The following ADD1 variants were observed in gnomAD, a reference collection of about 807,000 sequenced individuals.
ADD1 encodes the protein adducin 1, also known as alpha-adducin.
In ADD1, 24 loss-of-function variants were observed where a neutral mutation model predicts 80.5. The ratio of observed to expected loss-of-function variants is 0.30; its 90% CI spans 0.22 to 0.42. The LOEUF is 0.42. Ranked by LOEUF, ADD1 falls within the 10% of genes least tolerant of loss-of-function variation. The pLI is 1.00. For missense variants in ADD1, 948 were observed against 1,019.0 expected, an observed-to-expected ratio of 0.93 and a Z score of 0.95; for synonymous variants, 373 against 393.8, an observed-to-expected ratio of 0.95 and a Z score of 0.63.
chr4:2,909,149 AT>A, intron 12 of ADD1, 189 bp from the exon 13 acceptor site: 1 of 599,708 alleles, frequency 1.7e-6, no homozygotes, highest in Non-Finnish European at 3.0e-6. Flanking sequence ...GGGGTAGACG[AT>A]TGTTGGATTT....
At position 2,848,879 on chromosome 4, in the gene ADD1, ATTGC is replaced by A. The variant is rs1376632893; in HGVS notation, c.-21+4857_-21+4860del. Among the ~76,000 whole-genome samples the A allele has an allele frequency of 2.6e-5, 4 of 152,274 alleles. No homozygotes were observed. In the South Asian group the frequency reaches 8.3e-4, roughly 32 times the overall value. On this transcript the variant is annotated intron_variant, in intron 1 of 15. Transcript: ENST00000683351. ...CTATAAATACATTCTCAGAAATGAA[ATTGC>A]TATGTCAAAGAATAATTGCACTTTT...
At chr4:2,846,035 A>C (rs919256905) in intron 1 of ADD1, among the ~76,000 whole-genome samples, 1 of 152,230 alleles carries the variant, frequency 6.6e-6, no homozygotes, top group Non-Finnish European at 1.5e-5. Context: ...AAATAGTTCA[A>C]TATGTATATC....
chr4:2,928,357 C>T lies in ADD1; in HGVS notation c.2234C>T (p.Pro745Leu). 6.2e-7 allele frequency: 1 copy of T among 1,613,780 alleles called. No individual in the cohort carries two copies. The highest frequency in any genetic ancestry group is 8.5e-7 in the Non-Finnish European group (1 of 1,179,920). ...APTEASPEPAPDPAPVAEEAA... is the reference protein window; with the variant it reads ...APTEASPEPALDPAPVAEEAA... ...ACTGAGGCCAGCCCCGAGCCAGCCC[C>T]AGACCCAGCCCCGGTGGCTGAAGAG... Residue 745 changes from proline to leucine, a missense_variant, in exon 16 of 16, where the codon CCA becomes CTA. Coordinates refer to ENST00000683351, the MANE Select transcript of ADD1 (RefSeq NM_001354761.2).
intron 4 of ADD1, among the ~76,000 whole-genome samples, chr4:2,886,876 G>GTT (rs1356598083): frequency 6.6e-6 from 1 of 152,164 alleles, no homozygotes; most frequent in Non-Finnish European, 1.5e-5. Flanking sequence ...GTGCTAAGTG[G>GTT]TTGCCTGAAG....
intron 6 of ADD1, 131 bp from the exon 7 acceptor site, chr4:2,898,053 G>C: frequency 8.1e-7 from 1 of 1,228,590 alleles, no homozygotes; most frequent in Non-Finnish European, 1.1e-6. Flanking sequence ...TAAGTTCATA[G>C]ATTGATTTTC....
chr4:2,921,684 C>T (rs1740071201), intron 14 of ADD1, among the ~76,000 whole-genome samples: 1 of 152,124 alleles, frequency 6.6e-6, no homozygotes, highest in African/African-American at 2.4e-5. Context: ...GTTGGCCTGT[C>T]TTGCTAGGTT....
chr4:2,916,410 G>A (rs1395001202), intron 14 of ADD1, among the ~76,000 whole-genome samples: 4 of 151,860 alleles, frequency 2.6e-5, no homozygotes, highest in South Asian at 4.2e-4. Context: ...TGGCCAGGAC[G>A]GTCTCAATGT....
chr4:2,875,111 C>A (rs1397904639), intron 1 of ADD1, among the ~76,000 whole-genome samples: 1 of 152,042 alleles, frequency 6.6e-6, no homozygotes, highest in Non-Finnish European at 1.5e-5. Flanking sequence ...CGCTGATAGT[C>A]CCAGCTGCTT....
At chr4:2,891,263 G>T (rs911909524) in intron 4 of ADD1, among the ~76,000 whole-genome samples, 1 of 152,098 alleles carries the variant, frequency 6.6e-6, no homozygotes, top group African/African-American at 2.4e-5. Flanking sequence ...GACCAGCCTG[G>T]CTGACGTGGT....
At chr4:2,892,035 G>A (rs1049157735) in intron 4 of ADD1, among the ~76,000 whole-genome samples, 3 of 152,122 alleles carry the variant, frequency 2.0e-5, no homozygotes, top group Non-Finnish European at 4.4e-5. Flanking sequence ...GTGCTTCAGC[G>A]CCCATGACAC....
intron 14 of ADD1, 135 bp downstream of exon 14, chr4:2,915,175 C>T: frequency 2.0e-6 from 2 of 1,019,308 alleles, no homozygotes; most frequent in Non-Finnish European, 2.8e-6. Context: ...GAACTTTATC[C>T]AGTACTCATT....
chr4:2,909,382 A>C lies in ADD1; in HGVS notation c.1742A>C (p.Glu581Ala), dbSNP rs1021365433. The change falls in exon 13 of 16, where the codon GAG becomes GCG. Residue 581 changes from glutamate (E) to alanine (A), a missense_variant. Physicochemically the swap from Glu to Ala is moderately radical, Grantham distance 107. Transcript: ENST00000683351. The part of the protein sequence containing the change: ...SDCTETIEGL[E>A]LTEQTFSPAK... ...TGTACGGAAACTATCGAAGGGCTCG[A>C]GCTTACAGAGCAGACCTTTAGTCCC... 6.5e-7 allele frequency: 1 copy of C among 1,550,282 alleles called. No homozygotes were observed. Among genetic ancestry groups the C allele is most frequent in the African/African-American group, 1.4e-5 (1 of 72,970 alleles).
At chr4:2,889,545 G>A (rs1276590622) in intron 4 of ADD1, among the ~76,000 whole-genome samples, 1 of 152,170 alleles carries the variant, frequency 6.6e-6, no homozygotes, top group Non-Finnish European at 1.5e-5. Flanking sequence ...CCATAGGCCA[G>A]GCGTGGTGGC....
intron 10 of ADD1, 177 bp downstream of exon 10, chr4:2,905,285 A>T: frequency 1.6e-6 from 1 of 622,800 alleles, no homozygotes. Flanking sequence ...TTCGGATAAT[A>T]CTATCTGCTT....
chr4:2,920,087 T>C lies in ADD1; in HGVS notation c.1948+5047T>C, dbSNP rs112442232. On this transcript the variant is annotated intron_variant, in intron 14 of 15. Transcript: ENST00000683351. ...GAACTTATTTATTTCTGCGTGAATTTTGTTATTTACCCAGTAGTCATTTAG... is the reference window on the plus strand; with the variant it reads ...GAACTTATTTATTTCTGCGTGAATTCTGTTATTTACCCAGTAGTCATTTAG... 2.6e-4 allele frequency among the ~76,000 whole-genome samples: 40 copies of C among 152,364 alleles called. No homozygotes were observed. In the East Asian group the frequency reaches 6.6e-3, roughly 25 times the overall value.
At chr4:2,925,953 A>C in intron 14 of ADD1, 61 bp from the exon 15 acceptor site, 1 of 1,460,994 alleles carries the variant, frequency 6.8e-7, no homozygotes, top group Non-Finnish European at 9.5e-7. Context: ...CCATGGAGGC[A>C]GGTACAGGCT....
At chr4:2,877,230 C>T (rs1029860161) in intron 2 of ADD1, among the ~76,000 whole-genome samples, 1 of 151,952 alleles carries the variant, frequency 6.6e-6, no homozygotes, top group African/African-American at 2.4e-5. Flanking sequence ...GTCCCTTCTT[C>T]TTCTGATTTG....
At chr4:2,898,385 G>A in intron 7 of ADD1, 48 bp from the exon 8 acceptor site, 1 of 1,613,896 alleles carries the variant, frequency 6.2e-7, no homozygotes, top group Non-Finnish European at 8.5e-7. Context: ...TAAAGCAAAG[G>A]ACCAGTCTTC....
chr4:2,880,852 A>T (rs1209098916), intron 2 of ADD1, among the ~76,000 whole-genome samples: 1 of 151,982 alleles, frequency 6.6e-6, no homozygotes, highest in African/African-American at 2.4e-5. Context: ...GTATTGTTAT[A>T]ATAGTGATTT....
Sources: gnomAD v4.1 joint callset for allele counts (sites outside exome capture counted in the v4.1 genomes callset) on GRCh38, gnomAD v4.1.1 for gene constraint, MANE v1.5 for transcripts, NCBI Gene and HGNC (gene_info 2026-07-23, HGNC 2026-07-21) for gene names.